Variants in ATXN1 observed in about 807,000 individuals in gnomAD.
ATXN1 encodes ataxin 1.
ATXN1 carries 8 observed loss-of-function variants against 56.4 expected under a neutral mutation model. That is an observed-to-expected ratio of 0.14 (90% CI 0.08 to 0.26). ATXN1 has a LOEUF of 0.26. ATXN1 is among the 10% of genes least tolerant of loss of function. ATXN1 has a pLI of 1.00. For missense variants in ATXN1, 987 were observed against 1,106.5 expected (o/e 0.89, Z 1.53); for synonymous variants, 514 against 494.6 (o/e 1.04, Z -0.52).
chr6:16,409,279 G>C (rs938077879), intron 6 of ATXN1, among the ~76,000 whole-genome samples: 1 of 149,936 alleles, frequency 6.7e-6, no homozygotes. Context: ...CTTAGCGTCT[G>C]TCCTCTTTAT....
At chr6:16,427,817 C>T (rs1480619481) in intron 6 of ATXN1, among the ~76,000 whole-genome samples, 21 of 152,120 alleles carry the variant, frequency 1.4e-4, no homozygotes, top group Admixed American at 8.5e-4. Flanking sequence ...AGAAAGCAGA[C>T]GCAGAAAGAT....
At chr6:16,346,184 T>A (rs1761383569) in intron 6 of ATXN1, among the ~76,000 whole-genome samples, 1 of 152,144 alleles carries the variant, frequency 6.6e-6, no homozygotes, top group Non-Finnish European at 1.5e-5. Flanking sequence ...GCCTCCTGAG[T>A]AGCTGGGATT....
At chr6:16,438,020 G>A (rs1244965927) in intron 6 of ATXN1, among the ~76,000 whole-genome samples, 1 of 152,242 alleles carries the variant, frequency 6.6e-6, no homozygotes, top group East Asian at 1.9e-4. Flanking sequence ...ACTGGTCCAT[G>A]AGGCTAGGGG....
chr6:16,349,847 A>G (rs1022384158), intron 6 of ATXN1, among the ~76,000 whole-genome samples: 1 of 152,250 alleles, frequency 6.6e-6, no homozygotes, highest in Non-Finnish European at 1.5e-5. Context: ...TTTCAATTTA[A>G]GTATGTCTGT....
chr6:16,469,960 CAA>C (rs5874559), intron 6 of ATXN1, among the ~76,000 whole-genome samples: 261 of 138,740 alleles, frequency 1.9e-3, no homozygotes, highest in Middle Eastern at 3.7e-3. Flanking sequence ...AACTCTGTCT[CAA>C]AAAAAAAAAA....
intron 7 of ATXN1, among the ~76,000 whole-genome samples, chr6:16,312,000 G>T (rs1760404022): frequency 6.6e-6 from 1 of 152,164 alleles, no homozygotes; most frequent in Non-Finnish European, 1.5e-5. Context: ...CTGTCTCCTT[G>T]CTGGCAGATG....
chr6:16,326,813 C>T lies in ATXN1; in HGVS notation c.1498G>A (p.Glu500Lys). ...ATGGCCGGGGCTGCCCCCGACGCTT[C>T]CATGTCAGTGCTGCCGACCGGGATG... is the stretch of plus-strand genomic sequence containing the variant. The part of the protein sequence containing the change: ...LLIPVGSTDM[E>K]ASGAAPAIVT... Residue 500 changes from glutamate to lysine, a missense_variant, in exon 7 of 8, where the codon GAA becomes AAA. By Grantham distance (56) the Glu-to-Lys change is moderately conservative. This residue lies in a region of ATXN1 where 723 missense variants were observed against 791.7 expected (regional missense o/e 0.91). Transcript: ENST00000436367. The surrounding 1 kb of genome is among the most constrained non-coding windows in gnomAD (Gnocchi z 6.6). The T allele has an allele frequency of 6.2e-7, 1 of 1,608,306 alleles. No individual in the cohort carries two copies. The highest frequency in any genetic ancestry group is 1.3e-5 in the African/African-American group (1 of 74,956).
intron 5 of ATXN1, among the ~76,000 whole-genome samples, chr6:16,501,045 T>C (rs1261067885): frequency 6.6e-6 from 1 of 152,242 alleles, no homozygotes. Flanking sequence ...GTGAGTTTCA[T>C]GTCACTTTTT....
chr6:16,756,303 G>C (rs1200228465), intron 1 of ATXN1, among the ~76,000 whole-genome samples: 1 of 151,972 alleles, frequency 6.6e-6, no homozygotes, highest in Non-Finnish European at 1.5e-5. Flanking sequence ...AACTGACACT[G>C]TATATCACTT....
rs557068608 is a variant in ATXN1 at position 16,674,516 on chromosome 6, A to AT, written c.-614-16616dup. 2.8e-3 allele frequency among the ~76,000 whole-genome samples: 392 copies of AT among 138,396 alleles called. 1 individual carries two copies. The highest frequency in any genetic ancestry group is 7.3e-3 in the Middle Eastern group (2 of 274). The allele number at this position is 138,396 out of a possible 152,430, so 90.8% of individuals were successfully genotyped here. On this transcript the variant is annotated intron_variant, in intron 2 of 7. Coordinates refer to ENST00000436367, the MANE Select transcript of ATXN1 (RefSeq NM_001128164.2). ...AGGCGCCCACCACCACGCCCAGCTA[A>AT]TTTTTTTTTTTTTTGTATTTTTAGT...
intron 2 of ATXN1, among the ~76,000 whole-genome samples, chr6:16,693,836 C>CT (rs1309285654): frequency 2.6e-5 from 4 of 152,196 alleles, no homozygotes; most frequent in African/African-American, 4.8e-5. Flanking sequence ...TCTCTGGTAA[C>CT]TGGAAGCCTC....
chr6:16,368,569 A>G lies in ATXN1; in HGVS notation c.-160-40099T>C, dbSNP rs111451489. ...ATAGATGATGAAGGTTCTATTTTATATGCCTATCAGTATCTGCTAAATGAA... is the reference window on the plus strand; with the variant it reads ...ATAGATGATGAAGGTTCTATTTTATGTGCCTATCAGTATCTGCTAAATGAA... On this transcript the variant is annotated intron_variant, in intron 6 of 7. Transcript: ENST00000436367. 2.8e-3 allele frequency among the ~76,000 whole-genome samples: 422 copies of G among 152,308 alleles called. 2 individuals carry two copies. Among genetic ancestry groups the G allele is most frequent in the Non-Finnish European group, 5.3e-3 (362 of 68,028 alleles).
At chr6:16,531,805 G>T (rs555468485) in intron 4 of ATXN1, among the ~76,000 whole-genome samples, 4 of 152,242 alleles carry the variant, frequency 2.6e-5, no homozygotes, top group African/African-American at 4.8e-5. Context: ...TGTAACAGGG[G>T]TCTATCTTAT....
intron 5 of ATXN1, among the ~76,000 whole-genome samples, chr6:16,518,094 C>T (rs1431461742): frequency 4.7e-5 from 7 of 147,894 alleles, no homozygotes; most frequent in Non-Finnish European, 1.0e-4. Context: ...AACCAGCAGT[C>T]GGATGCAGAA....
intron 6 of ATXN1, among the ~76,000 whole-genome samples, chr6:16,346,966 C>T (rs985523507): frequency 6.6e-6 from 1 of 152,164 alleles, no homozygotes; most frequent in African/African-American, 2.4e-5. Context: ...CCGTGGGCCC[C>T]GCACTCGGAG....
chr6:16,379,583 T>A (rs925985355), intron 6 of ATXN1, among the ~76,000 whole-genome samples: 1 of 152,178 alleles, frequency 6.6e-6, no homozygotes, highest in African/African-American at 2.4e-5. Context: ...GCTTATTCAT[T>A]CATTCATTCA....
intron 2 of ATXN1, among the ~76,000 whole-genome samples, chr6:16,721,109 G>A (rs540654176): frequency 6.6e-6 from 1 of 152,286 alleles, no homozygotes; most frequent in Admixed American, 6.5e-5. Flanking sequence ...ATGCAAACCA[G>A]AAGATGGTTC....
At chr6:16,644,858 C>T (rs1385966597) in intron 3 of ATXN1, among the ~76,000 whole-genome samples, 1 of 152,054 alleles carries the variant, frequency 6.6e-6, no homozygotes, top group Non-Finnish European at 1.5e-5. Flanking sequence ...AGCATGGATG[C>T]CAAATATTTA....
intron 6 of ATXN1, among the ~76,000 whole-genome samples, chr6:16,356,073 C>T (rs939902822): frequency 6.6e-6 from 1 of 152,224 alleles, no homozygotes; most frequent in African/African-American, 2.4e-5. Context: ...AATTTAGACA[C>T]ATTGCCTCTA....
Sources: gnomAD v4.1 joint callset for allele counts (sites outside exome capture counted in the v4.1 genomes callset) on GRCh38, gnomAD v4.1.1 for gene constraint, gnomAD v4.1.1 regional missense constraint, Gnocchi (gnomAD v3.1) non-coding constraint, MANE v1.5 for transcripts, NCBI Gene and HGNC (gene_info 2026-07-23, HGNC 2026-07-21) for gene names.